The following WWTR1 variants were observed in gnomAD, a reference collection of about 807,000 sequenced individuals.
The protein encoded by WWTR1 is WW domain-containing transcription regulator protein 1.
WWTR1 carries 13 observed loss-of-function variants against 40.1 expected under a neutral mutation model. The ratio of observed to expected loss-of-function variants is 0.32; its 90% CI spans 0.21 to 0.52. The LOEUF (loss-of-function observed/expected upper bound fraction) is 0.52. Among genes scored for constraint, WWTR1 ranks in the 20% least tolerant of loss-of-function variants. The probability of loss-of-function intolerance (pLI) is 0.97; values close to 1 mark genes in which losing one functional copy is unlikely to be tolerated. For synonymous variants in WWTR1, 230 were observed against 210.1 expected, an observed-to-expected ratio of 1.09 and a Z score of -0.82; for missense variants, 436 against 523.1, an observed-to-expected ratio of 0.83 and a Z score of 1.63.
intron 1 of WWTR1, among the ~76,000 whole-genome samples, chr3:149,686,751 A>T (rs1714669256): frequency 6.6e-6 from 1 of 152,234 alleles, no homozygotes. Context: ...AATACTAAGC[A>T]GGCACTAAAA....
intron 2 of WWTR1, among the ~76,000 whole-genome samples, chr3:149,635,231 G>C (rs765628069): frequency 1.2e-4 from 19 of 152,056 alleles, no homozygotes; most frequent in Non-Finnish European, 2.4e-4. Flanking sequence ...TTTAGTAATT[G>C]GACTTGTTTG....
chr3:149,601,349 C>T (rs1352188640), intron 2 of WWTR1, among the ~76,000 whole-genome samples: 1 of 152,080 alleles, frequency 6.6e-6, no homozygotes, highest in Non-Finnish European at 1.5e-5. Context: ...ACAGGTGAGC[C>T]CCCATACCTG....
rs71138404 is a variant in WWTR1, at chr3:149,674,056, C to CAAAAAAAAAAAA, written c.-107-4177_-107-4166dup. 1.3e-3 allele frequency among the ~76,000 whole-genome samples: 156 copies of CAAAAAAAAAAAA among 121,780 alleles called. 7 individuals carry two copies. The East Asian group carries it at 0.013, about 10-fold the overall frequency. The allele number at this position is 121,780 out of a possible 152,430, so 79.9% of individuals were successfully genotyped here. A position where few individuals can be genotyped will look rare whatever the true frequency, so the allele number is the denominator to read the frequency against. On this transcript the variant is annotated intron_variant, in intron 1 of 7. Transcript: ENST00000465804. ...GCAACATAGTAAGACCTCGTCTCTA[C>CAAAAAAAAAAAA]AAAAAAAAAAAAATTAGCTGGGCAT...
chr3:149,609,693 G>A (rs959577305), intron 2 of WWTR1, among the ~76,000 whole-genome samples: 1 of 152,020 alleles, frequency 6.6e-6, no homozygotes, highest in African/African-American at 2.4e-5. Flanking sequence ...AATGTTTCTC[G>A]ACCTTTGCAC....
At chr3:149,601,213 CAG>C (rs1739228555) in intron 2 of WWTR1, among the ~76,000 whole-genome samples, 2 of 152,046 alleles carry the variant, frequency 1.3e-5, no homozygotes, top group African/African-American at 2.4e-5. Context: ...CTTTTTGAGA[CAG>C]AGTCTCACTC....
intron 2 of WWTR1, among the ~76,000 whole-genome samples, chr3:149,577,862 G>A (rs764736961): frequency 2.6e-5 from 4 of 151,986 alleles, no homozygotes; most frequent in Non-Finnish European, 4.4e-5. Flanking sequence ...GCCTGCGGAG[G>A]GGGTGTTAAC....
At chr3:149,681,494 T>A (rs1034645152) in intron 1 of WWTR1, among the ~76,000 whole-genome samples, 6 of 152,246 alleles carry the variant, frequency 3.9e-5, no homozygotes, top group Non-Finnish European at 5.9e-5. Context: ...GAGAAATGTA[T>A]ATTCAAATCC....
At chr3:149,719,306 G>A (rs1559849259) in intron 4 of WWTR1, among the ~76,000 whole-genome samples, 1 of 151,982 alleles carries the variant, frequency 6.6e-6, no homozygotes, top group Non-Finnish European at 1.5e-5. Context: ...GAGTAGCTGG[G>A]ACTACAGGCG....
intron 2 of WWTR1, among the ~76,000 whole-genome samples, chr3:149,595,387 T>A (rs1388424995): frequency 6.6e-6 from 1 of 152,234 alleles, no homozygotes; most frequent in East Asian, 1.9e-4. Flanking sequence ...TTATTGTTGA[T>A]TTTGTCACAC....
chr3:149,624,342 C>CT (rs1464196143), intron 2 of WWTR1, among the ~76,000 whole-genome samples: 1 of 152,206 alleles, frequency 6.6e-6, no homozygotes, highest in Non-Finnish European at 1.5e-5. Flanking sequence ...GATGAGAAGT[C>CT]TAAATGATAC....
At chr3:149,706,508 G>A (rs138037833), upstream of WWTR1, among the ~76,000 whole-genome samples, 617 of 152,074 alleles carry the variant, frequency 4.1e-3, 7 homozygotes, top group African/African-American at 0.014. Context: ...AGTAGAGACA[G>A]GGTTTCTCCA....
intron 1 of WWTR1, among the ~76,000 whole-genome samples, chr3:149,691,100 A>G (rs886837903): frequency 6.6e-6 from 1 of 152,000 alleles, no homozygotes; most frequent in Admixed American, 6.5e-5. Context: ...TTTTTAAAAG[A>G]AAAAATTTCT....
chr3:149,627,168 T>G (rs528494363), intron 2 of WWTR1, among the ~76,000 whole-genome samples: 1 of 152,288 alleles, frequency 6.6e-6, no homozygotes, highest in South Asian at 2.1e-4. Flanking sequence ...AACTAAAAAT[T>G]TACCTATTGT....
chr3:149,567,591 C>T (rs552953134), intron 3 of WWTR1, among the ~76,000 whole-genome samples: 31 of 152,276 alleles, frequency 2.0e-4, no homozygotes, highest in Admixed American at 2.0e-3. Context: ...CAGAGCATAT[C>T]AAAGGATCTT....
chr3:149,623,209 C>T (rs1158089567), intron 2 of WWTR1, among the ~76,000 whole-genome samples: 1 of 151,780 alleles, frequency 6.6e-6, no homozygotes, highest in Non-Finnish European at 1.5e-5. Flanking sequence ...CAAAAAAATA[C>T]AAAATTATTT....
chr3:149,622,446 AAAGAAAGGAAGG>A (rs1258419263), intron 2 of WWTR1, among the ~76,000 whole-genome samples: 6 of 118,336 alleles, frequency 5.1e-5, no homozygotes, highest in African/African-American at 1.6e-4. Flanking sequence ...TCCCAGAAAG[AAAGAAAGGAAGG>A]AAGGAAGGAA....
At chr3:149,620,318 A>ATATG (rs1043921034) in intron 2 of WWTR1, among the ~76,000 whole-genome samples, 74 of 152,250 alleles carry the variant, frequency 4.9e-4, no homozygotes, top group African/African-American at 1.7e-3. Context: ...AACCTCCATG[A>ATATG]TATGAGACCT....
chr3:149,659,012 C>A (rs1713434318), upstream of WWTR1, among the ~76,000 whole-genome samples: 1 of 152,120 alleles, frequency 6.6e-6, no homozygotes, highest in African/African-American at 2.4e-5. Flanking sequence ...GGATGGAGAC[C>A]CCCTGCCTCT....
At position 149,651,992 on chromosome 3, in the gene WWTR1, A is replaced by ATTTTTTTTTTTTTTTTT. The variant is rs368845286; in HGVS notation, c.431+4867_431+4883dup. Among the ~76,000 whole-genome samples the ATTTTTTTTTTTTTTTTT allele has an allele frequency of 3.6e-3, 340 of 93,654 alleles. 1 individual carries two copies. Among genetic ancestry groups the ATTTTTTTTTTTTTTTTT allele is most frequent in the Middle Eastern group, 7.1e-3 (1 of 140 alleles). 61.4% of individuals were successfully genotyped at this position (93,654 alleles called of 152,430 possible). ...AGGCGCCCGCTGCCACGCCCGGCTAATTTTTTTTTTTTTTTTTTTTTTTGT... is the reference window on the plus strand; with the variant it reads ...AGGCGCCCGCTGCCACGCCCGGCTAATTTTTTTTTTTTTTTTTTTTTTTTTTTTTTTTTTTTTTTTGT... On this transcript the variant is annotated intron_variant, in intron 2 of 6. Coordinates refer to ENST00000360632, the MANE Select transcript of WWTR1 (RefSeq NM_015472.6).
Sources: allele counts gnomAD v4.1 joint callset (sites outside exome capture counted in the v4.1 genomes callset), GRCh38; gene constraint gnomAD v4.1.1; transcripts MANE v1.5; gene names NCBI Gene and HGNC (gene_info 2026-07-23, HGNC 2026-07-21).